The following LFNG variants were observed in gnomAD, a reference collection of about 807,000 sequenced individuals.
LFNG encodes the protein beta-1,3-N-acetylglucosaminyltransferase lunatic fringe.
Under a neutral mutation model 32.7 loss-of-function variants are expected in LFNG, and 15 were observed. The ratio of observed to expected loss-of-function variants is 0.46; its 90% CI spans 0.31 to 0.71. The LOEUF (loss-of-function observed/expected upper bound fraction) is 0.71, where lower values mean the gene tolerates loss of function less well. Among genes scored for constraint, LFNG ranks in the 30% least tolerant of loss-of-function variants. The pLI, the probability that LFNG is intolerant of heterozygous loss-of-function variation, is 0.06. For missense variants in LFNG, 520 were observed against 545.7 expected (o/e 0.95, Z 0.47); for synonymous variants, 274 against 246.8 (o/e 1.11, Z -1.03).
chr7:2,522,964 C>T (rs1182393380), intron 1 of LFNG, among the ~76,000 whole-genome samples: 8 of 152,114 alleles, frequency 5.3e-5, no homozygotes, highest in African/African-American at 1.9e-4. Flanking sequence ...GCTCAGGTGT[C>T]GGGAGACAGT....
At chr7:2,513,042 C>A, upstream of LFNG, 1 of 1,004,278 alleles carries the variant, frequency 1.0e-6, no homozygotes, top group South Asian at 1.5e-5. Flanking sequence ...CCAGAAGTCC[C>A]CTGCCTCCCA....
At chr7:2,512,637 G>A (rs577725659) in exon 1 of LFNG, 83 of 1,613,512 alleles carry the variant, frequency 5.1e-5, no homozygotes, top group Middle Eastern at 3.3e-4. Flanking sequence ...TGGCCACAAG[G>A]ACCCAAAGCT....
Position 2,526,905 on chromosome 7 carries a change from G to T in LFNG, c.1057G>T (p.Glu353Ter). The T allele has an allele frequency of 6.2e-7, 1 of 1,612,648 alleles. No individual in the cohort carries two copies. Among genetic ancestry groups the T allele is most frequent in the South Asian group, 1.1e-5 (1 of 91,042 alleles). The stretch of plus-strand genomic sequence containing the variant: ...CCACGTGAAGGGGCCCTTCTCGGTG[G>T]AGGCCGACCCATCCAGGTAAGGAAA... The part of the protein sequence containing the change: ...AVHVKGPFSV[E>*]ADPSRFRSIH... The change falls in exon 7 of 8, where the codon GAG becomes TAG. Residue 353 changes from glutamate to a stop codon, truncating the protein, a stop_gained. Transcript: ENST00000222725. LOFTEE classifies it high-confidence loss of function. The surrounding 1 kb of genome is among the most constrained non-coding windows in gnomAD (Gnocchi z 6.9).
At chr7:2,519,413 C>T (rs1356744799), upstream of LFNG, among the ~76,000 whole-genome samples, 1 of 152,122 alleles carries the variant, frequency 6.6e-6, no homozygotes, top group Non-Finnish European at 1.5e-5. Flanking sequence ...GCACCCTGCC[C>T]GCTGCGCCGA....
In LFNG at chr7:2,527,408, C is replaced by T. The variant is rs987396267; in HGVS notation, c.*196C>T. 2.9e-5 allele frequency: 43 copies of T among 1,462,318 alleles called. No homozygotes were observed. The highest frequency in any genetic ancestry group is 5.0e-4 in the Middle Eastern group (2 of 3,994). The allele number at this position is 1,462,318 out of a possible 1,614,324, so 90.6% of individuals were successfully genotyped here. ...TGGGCAGTTCTGCTCTGTGGAGGGG[C>T]GGGCACCAGCGCCACTTATGTGCCT... is the stretch of plus-strand genomic sequence containing the variant. On this transcript the variant is annotated 3_prime_UTR_variant, in exon 8 of 8. Transcript: ENST00000222725. This position sits in a 1 kb window ranked among gnomAD's most constrained non-coding sequence, Gnocchi z 4.4.
At chr7:2,522,266 GC>G (rs1292878830) in intron 1 of LFNG, among the ~76,000 whole-genome samples, 1 of 152,196 alleles carries the variant, frequency 6.6e-6, no homozygotes, top group Non-Finnish European at 1.5e-5. Context: ...GTAAAAAAGT[GC>G]CCAGAAAGGG....
intron 1 of LFNG, among the ~76,000 whole-genome samples, chr7:2,521,399 C>T (rs926996346): frequency 2.6e-5 from 4 of 152,206 alleles, no homozygotes; most frequent in African/African-American, 7.2e-5. Context: ...CAGCGCCGGG[C>T]GGCTCTCACG....
At chr7:2,525,887 C>T in intron 5 of LFNG, 117 bp downstream of exon 5, 1 of 878,528 alleles carries the variant, frequency 1.1e-6, no homozygotes. Flanking sequence ...TGGCACTGCC[C>T]ACTTACTTCC....
At position 2,527,309 on chromosome 7, in the gene LFNG, T is replaced by G; in HGVS notation, c.*97T>G. On this transcript the variant is annotated 3_prime_UTR_variant, in exon 8 of 8. Transcript: ENST00000222725. The surrounding 1 kb of genome is among the most constrained non-coding windows in gnomAD (Gnocchi z 4.4). Reference sequence around the variant, plus strand: ...CTGGCCTCGGCATTCGAGGCTCCCCTAGGGCCGTGCCTGTGCGTGTGCGTG... The same window carrying G: ...CTGGCCTCGGCATTCGAGGCTCCCCGAGGGCCGTGCCTGTGCGTGTGCGTG... 6.4e-7 allele frequency: 1 copy of G among 1,555,944 alleles called. No homozygotes were observed. Among genetic ancestry groups the G allele is most frequent in the Non-Finnish European group, 8.6e-7 (1 of 1,158,876 alleles).
intron 1 of LFNG, among the ~76,000 whole-genome samples, chr7:2,522,077 C>T (rs1779808442): frequency 6.6e-6 from 1 of 152,200 alleles, no homozygotes; most frequent in Admixed American, 6.5e-5. Context: ...CTCTCCCAGC[C>T]CTGCACGGAA....
chr7:2,524,738 A>G lies in LFNG; in HGVS notation c.476A>G (p.His159Arg), dbSNP rs150275306. The change falls in exon 2 of 8, where the codon CAC becomes CGC. Residue 159 changes from histidine (H) to arginine (R), a missense_variant. This residue lies in a region of LFNG where 360 missense variants were observed against 354.7 expected (regional missense o/e 1.01). Transcript: ENST00000222725. Reference protein sequence around the residue: ...TDGEDEALARHTGNVVITNCS... With the variant: ...TDGEDEALARRTGNVVITNCS... ...GGGGAAGATGAGGCCCTGGCCAGGC[A>G]CACGGGTGAGCCCTGGACTTGGGGC... The G allele has an allele frequency of 2.5e-6, 4 of 1,588,562 alleles. No homozygotes were observed. Among genetic ancestry groups the G allele is most frequent in the Non-Finnish European group, 2.6e-6 (3 of 1,167,678 alleles).
In LFNG at chr7:2,527,836, G is replaced by C. The variant is rs1271447963; in HGVS notation, c.*624G>C. ...CTGGCTGTCCAGCTGGGCAAACAGT[G>C]GCACCCCTCCCAGCTCTTCTGAGTG... On this transcript the variant is annotated 3_prime_UTR_variant, in exon 8 of 8. Transcript: ENST00000222725. This position sits in a 1 kb window ranked among gnomAD's most constrained non-coding sequence, Gnocchi z 4.4. 2 of 1,002,052 alleles carry C rather than the reference G, an allele frequency of 2.0e-6. No homozygotes were observed. Among genetic ancestry groups the C allele is most frequent in the Non-Finnish European group, 2.4e-6 (2 of 838,646 alleles). 62.1% of individuals were successfully genotyped at this position (1,002,052 alleles called of 1,614,324 possible).
At chr7:2,519,748 A>T (rs529771997), upstream of LFNG, 258 of 571,620 alleles carry the variant, frequency 4.5e-4, 4 homozygotes, top group East Asian at 0.024. Context: ...GGGAGGTTTA[A>T]GAGCGCGGGA....
intron 1 of LFNG, among the ~76,000 whole-genome samples, chr7:2,521,650 G>T (rs1376849331): frequency 6.6e-6 from 1 of 152,180 alleles, no homozygotes; most frequent in Admixed American, 6.5e-5. Context: ...GTGATCTTGG[G>T]CATCCTTCAG....
Position 2,526,424 on chromosome 7 carries a change from G to A in LFNG, c.987+15G>A, listed in dbSNP as rs776272847. On this transcript the variant is annotated intron_variant, in intron 6 of 7. Coordinates refer to ENST00000222725, the MANE Select transcript of LFNG (RefSeq NM_001040167.2). The surrounding 1 kb of genome is among the most constrained non-coding windows in gnomAD (Gnocchi z 6.9). Reference sequence around the variant, plus strand: ...TCCACGAGCAGGTGCACCATCCTCCGGGCCCCGCCAGGACTCCGAGAGCAC... The same window carrying A: ...TCCACGAGCAGGTGCACCATCCTCCAGGCCCCGCCAGGACTCCGAGAGCAC... 34 of 1,604,250 alleles carry A rather than the reference G, an allele frequency of 2.1e-5. No individual in the cohort carries two copies. Among genetic ancestry groups the A allele is most frequent in the Middle Eastern group, 1.6e-4 (1 of 6,066 alleles).
In LFNG at chr7:2,520,057, G is replaced by A. The variant is rs1386577200; in HGVS notation, c.196G>A (p.Ala66Thr). Residue 66 changes from alanine (A) to threonine (T), a missense_variant, in exon 1 of 8, where the codon GCG (alanine) becomes ACG (threonine). By Grantham distance (58) the Ala-to-Thr change is moderately conservative. Around this residue, in one of 3 missense-constraint regions of LFNG, gnomAD observed 360 missense variants for 354.7 expected, o/e 1.01. Coordinates refer to ENST00000222725, the MANE Select transcript of LFNG (RefSeq NM_001040167.2). This position sits in a 1 kb window ranked among gnomAD's most constrained non-coding sequence, Gnocchi z 5.0. ...GLGAAAAAPG[A>T]LVRDVHSLSE... Reference sequence around the variant, plus strand: ...GGGGGCGGCGGCGGCGGCGCCCGGGGCGCTGGTCCGCGACGTGCACAGTCT... The same window carrying A: ...GGGGGCGGCGGCGGCGGCGCCCGGGACGCTGGTCCGCGACGTGCACAGTCT... 8.7e-7 allele frequency: 1 copy of A among 1,153,192 alleles called. No individual in the cohort carries two copies. The highest frequency in any genetic ancestry group is 4.9e-5 in the East Asian group (1 of 20,214). 71.4% of individuals were successfully genotyped at this position (1,153,192 alleles called of 1,614,324 possible).
chr7:2,526,120 C>T lies in LFNG; in HGVS notation c.822-124C>T. 2 of 1,007,602 alleles carry T rather than the reference C, an allele frequency of 2.0e-6. No individual in the cohort carries two copies. Among genetic ancestry groups the T allele is most frequent in the Non-Finnish European group, 3.0e-6 (2 of 677,710 alleles). The allele number at this position is 1,007,602 out of a possible 1,614,324, so 62.4% of individuals were successfully genotyped here. Reference sequence around the variant, plus strand: ...CCAGGGGAGGCAGAGGGAGCTGCAGCCCAGAGCTCTCCTCAGGGCTCCTCT... The same window carrying T: ...CCAGGGGAGGCAGAGGGAGCTGCAGTCCAGAGCTCTCCTCAGGGCTCCTCT... On this transcript the variant is annotated intron_variant, in intron 5 of 7. Transcript: ENST00000222725. The surrounding 1 kb of genome is among the most constrained non-coding windows in gnomAD (Gnocchi z 6.9).
chr7:2,526,999 G>T lies in LFNG; in HGVS notation c.1073+78G>T. ...GGGGGCCTCGTGGAGCTGCAGCAGG[G>T]TCTCTCTAAGCGGCATGACTCTACA... On this transcript the variant is annotated intron_variant, in intron 7 of 7. Transcript: ENST00000222725. This position sits in a 1 kb window ranked among gnomAD's most constrained non-coding sequence, Gnocchi z 6.9. 2 of 1,459,756 alleles carry T rather than the reference G, an allele frequency of 1.4e-6. No homozygotes were observed. Among genetic ancestry groups the T allele is most frequent in the Non-Finnish European group, 9.5e-7 (1 of 1,049,276 alleles). 90.4% of individuals were successfully genotyped at this position (1,459,756 alleles called of 1,614,324 possible). A position where few individuals can be genotyped will look rare whatever the true frequency, so the allele number is the denominator to read the frequency against.
chr7:2,512,738 C>T (rs1035876380), intron 1 of LFNG: 2 of 1,602,016 alleles, frequency 1.2e-6, no homozygotes, highest in Non-Finnish European at 1.7e-6. Flanking sequence ...TAGAATGCCA[C>T]TCAGAGCCGT....
Sources: allele counts gnomAD v4.1 joint callset (sites outside exome capture counted in the v4.1 genomes callset), GRCh38; gene constraint gnomAD v4.1.1; regional missense constraint gnomAD v4.1.1; non-coding constraint Gnocchi (gnomAD v3.1); transcripts MANE v1.5; gene names NCBI Gene and HGNC (gene_info 2026-07-23, HGNC 2026-07-21).